MCPH1: variants seen among roughly 807,000 people sequenced by gnomAD.
The protein encoded by MCPH1 is microcephalin.
In MCPH1, 104 loss-of-function variants were observed where a neutral mutation model predicts 84.5. The observed-to-expected ratio is 1.23, with a 90% CI of 1.05 to 1.45. The LOEUF is 1.45. MCPH1 is among the 40% of genes most tolerant of loss of function. The probability of loss-of-function intolerance (pLI) is 0.00; values close to 1 mark genes in which losing one functional copy is unlikely to be tolerated. For synonymous variants in MCPH1, 514 were observed against 366.8 expected (o/e 1.40, Z -4.58); for missense variants, 1,498 against 1,005.7 (o/e 1.49, Z -6.62).
chr8:6,625,075 A>G lies in MCPH1; in HGVS notation c.2452+3384A>G, dbSNP rs181462090. 410 of 593,382 alleles carry G rather than the reference A, an allele frequency of 6.9e-4. 1 individual carries two copies. The highest frequency in any genetic ancestry group is 5.1e-3 in the Middle Eastern group (6 of 1,170). 36.8% of individuals were successfully genotyped at this position (593,382 alleles called of 1,614,324 possible). On this transcript the variant is annotated intron_variant, in intron 13 of 13. Transcript: ENST00000344683. The stretch of plus-strand genomic sequence containing the variant: ...TTTTTAGTAGAGATGAGGTTTCACC[A>G]TGTTGGCCAGGCTGGTCTCAAACCC...
At chr8:6,603,640 C>T (rs1829539274) in intron 12 of MCPH1, among the ~76,000 whole-genome samples, 1 of 152,168 alleles carries the variant, frequency 6.6e-6, no homozygotes, top group African/African-American at 2.4e-5. Flanking sequence ...GAAGTACCTT[C>T]CTGCTTTCAG....
At chr8:6,480,127 T>C (rs1017468290) in intron 10 of MCPH1, among the ~76,000 whole-genome samples, 5 of 150,730 alleles carry the variant, frequency 3.3e-5, no homozygotes, top group Non-Finnish European at 7.4e-5. Flanking sequence ...TTTCTTTTTT[T>C]CTTTTTTTTT....
At chr8:6,489,963 C>T (rs943898452) in intron 11 of MCPH1, among the ~76,000 whole-genome samples, 1 of 152,190 alleles carries the variant, frequency 6.6e-6, no homozygotes, top group Admixed American at 6.5e-5. Context: ...TTGTTGCCAC[C>T]CATCCTTTTC....
At chr8:6,414,320 T>C (rs1013008938) in intron 2 of MCPH1, among the ~76,000 whole-genome samples, 2 of 152,254 alleles carry the variant, frequency 1.3e-5, no homozygotes, top group African/African-American at 4.8e-5. Context: ...GGATACAGTA[T>C]CTTAAGATAT....
chr8:6,421,878 C>A (rs1800255393), intron 3 of MCPH1, among the ~76,000 whole-genome samples: 1 of 152,182 alleles, frequency 6.6e-6, no homozygotes, highest in Non-Finnish European at 1.5e-5. Context: ...GTCCCCAAGG[C>A]TACACTCTTT....
chr8:6,573,386 G>A (rs896268519), intron 12 of MCPH1, among the ~76,000 whole-genome samples: 2 of 152,104 alleles, frequency 1.3e-5, no homozygotes, highest in African/African-American at 4.8e-5. Context: ...TGATCAATAG[G>A]CCTTCTAGAT....
intron 12 of MCPH1, among the ~76,000 whole-genome samples, chr8:6,584,563 A>G (rs1827824596): frequency 6.6e-6 from 1 of 152,230 alleles, no homozygotes; most frequent in African/African-American, 2.4e-5. Flanking sequence ...TTCCAGACCT[A>G]ACTCTTTTAG....
intron 4 of MCPH1, among the ~76,000 whole-genome samples, chr8:6,433,567 A>T (rs1238731384): frequency 7.9e-6 from 1 of 126,548 alleles, no homozygotes; most frequent in Non-Finnish European, 1.6e-5. Context: ...CAGGAGGTGG[A>T]GGTTGCAGTG....
intron 6 of MCPH1, among the ~76,000 whole-genome samples, chr8:6,441,128 C>G (rs1413019772): frequency 6.6e-6 from 1 of 152,144 alleles, no homozygotes; most frequent in East Asian, 1.9e-4. Context: ...GAAATGTAGT[C>G]TTGACTGGGA....
chr8:6,597,505 G>A (rs1057482306), intron 12 of MCPH1, among the ~76,000 whole-genome samples: 1 of 152,106 alleles, frequency 6.6e-6, no homozygotes, highest in Non-Finnish European at 1.5e-5. Flanking sequence ...AAAAATAAAA[G>A]ACAACAAACA....
At chr8:6,441,610 G>T (rs1233582901) in intron 6 of MCPH1, among the ~76,000 whole-genome samples, 1 of 152,114 alleles carries the variant, frequency 6.6e-6, no homozygotes, top group African/African-American at 2.4e-5. Context: ...CTGACATTTG[G>T]GTCTGGGTAA....
At chr8:6,549,303 C>T (rs1336316167) in intron 12 of MCPH1, among the ~76,000 whole-genome samples, 3 of 152,238 alleles carry the variant, frequency 2.0e-5, no homozygotes. Context: ...TTAACATGCA[C>T]AACAACATGG....
intron 9 of MCPH1, among the ~76,000 whole-genome samples, chr8:6,457,909 G>A (rs1261921560): frequency 6.6e-6 from 1 of 152,080 alleles, no homozygotes; most frequent in African/African-American, 2.4e-5. Flanking sequence ...CTGCGCATTG[G>A]ACTCACCTGG....
chr8:6,628,766 A>C (rs559689708), intron 13 of MCPH1, among the ~76,000 whole-genome samples: 1 of 152,326 alleles, frequency 6.6e-6, no homozygotes, highest in South Asian at 2.1e-4. Context: ...GCTGCCTTGC[A>C]GCTCTGAGGA....
chr8:6,557,726 C>T (rs1824872890), intron 12 of MCPH1, among the ~76,000 whole-genome samples: 1 of 148,390 alleles, frequency 6.7e-6, no homozygotes, highest in South Asian at 2.2e-4. Flanking sequence ...TACATATATA[C>T]AGGGAGAGAT....
intron 3 of MCPH1, among the ~76,000 whole-genome samples, chr8:6,420,651 T>C (rs1800040822): frequency 6.6e-6 from 1 of 152,212 alleles, no homozygotes; most frequent in African/African-American, 2.4e-5. Context: ...CGATCTCTCA[T>C]AGATCTTTAT....
At chr8:6,574,667 A>G (rs1826926239) in intron 12 of MCPH1, among the ~76,000 whole-genome samples, 1 of 151,994 alleles carries the variant, frequency 6.6e-6, no homozygotes, top group Admixed American at 6.5e-5. Flanking sequence ...TATAATTCAG[A>G]GTCATGTTTA....
intron 12 of MCPH1, among the ~76,000 whole-genome samples, chr8:6,614,125 G>C (rs192132092): frequency 6.6e-6 from 1 of 152,166 alleles, no homozygotes. Context: ...ATTTTAGAAG[G>C]TTAGACTCCT....
chr8:6,617,277 G>GTTTTTTTTTTTTTT (rs71213326), intron 12 of MCPH1: 1 of 114,642 alleles, frequency 8.7e-6, no homozygotes, highest in African/African-American at 3.6e-5. Flanking sequence ...TGTTTTTTTT[G>GTTTTTTTTTTTTTT]TTTTTTTTTT....
Sources: gnomAD v4.1 joint callset for allele counts (sites outside exome capture counted in the v4.1 genomes callset) on GRCh38, gnomAD v4.1.1 for gene constraint, MANE v1.5 for transcripts, NCBI Gene and HGNC (gene_info 2026-07-23, HGNC 2026-07-21) for gene names.